PDPN: variants seen among roughly 807,000 people sequenced by gnomAD.
PDPN encodes podoplanin.
PDPN carries 12 observed loss-of-function variants against 23.2 expected under a neutral mutation model. The observed-to-expected ratio is 0.52, with a 90% CI of 0.33 to 0.84. The LOEUF is 0.84. PDPN is among the 40% of genes least tolerant of loss of function. The probability of loss-of-function intolerance (pLI) is 0.02; values close to 1 mark genes in which losing one functional copy is unlikely to be tolerated. For synonymous variants in PDPN, 77 were observed against 76.7 expected, an observed-to-expected ratio of 1.00 and a Z score of -0.02; for missense variants, 199 against 212.2, an observed-to-expected ratio of 0.94 and a Z score of 0.39.
intron 1 of PDPN, among the ~76,000 whole-genome samples, chr1:13,588,832 C>G (rs1392852963): frequency 2.6e-5 from 4 of 151,710 alleles, no homozygotes; most frequent in African/African-American, 9.7e-5. Context: ...GTGTGCACCA[C>G]CACACCCAAC....
chr1:13,585,449 C>A, intron 1 of PDPN: 1 of 1,299,570 alleles, frequency 7.7e-7, no homozygotes, highest in Non-Finnish European at 1.0e-6. Context: ...TCTGTATTTT[C>A]AGTTACATTT....
intron 2 of PDPN, among the ~76,000 whole-genome samples, chr1:13,607,724 C>T (rs1008906943): frequency 6.6e-6 from 1 of 152,188 alleles, no homozygotes; most frequent in African/African-American, 2.4e-5. Context: ...CAGGATTTTA[C>T]ATTTCCAATC....
At chr1:13,604,949 G>T (rs1201053130) in intron 1 of PDPN, among the ~76,000 whole-genome samples, 1 of 152,012 alleles carries the variant, frequency 6.6e-6, no homozygotes, top group African/African-American at 2.4e-5. Context: ...GGAAATATTC[G>T]GTTATTGCTA....
At chr1:13,608,646 C>G (rs407829) in intron 2 of PDPN, among the ~76,000 whole-genome samples, 1 of 151,910 alleles carries the variant, frequency 6.6e-6, no homozygotes, top group Non-Finnish European at 1.5e-5. Flanking sequence ...GCAGAGAAAA[C>G]GAACACTTAA....
At chr1:13,584,142 G>A (rs951119460) in intron 1 of PDPN, 42 bp downstream of exon 1, 2 of 1,602,898 alleles carry the variant, frequency 1.2e-6, no homozygotes, top group South Asian at 2.2e-5. Context: ...CGCTGATGGG[G>A]ACGAGCGAGC....
chr1:13,590,719 G>A (rs565213457), intron 1 of PDPN, among the ~76,000 whole-genome samples: 18 of 152,098 alleles, frequency 1.2e-4, no homozygotes, highest in Non-Finnish European at 2.2e-4. Context: ...AGATGAGTCC[G>A]TGCTGAGTGG....
At chr1:13,613,806 C>A in intron 4 of PDPN, 81 bp downstream of exon 4, 1 of 727,684 alleles carries the variant, frequency 1.4e-6, no homozygotes, top group Non-Finnish European at 2.5e-6. Context: ...AGACGAATTG[C>A]GTTCTTTTCT....
chr1:13,595,479 G>C (rs555353761), intron 1 of PDPN, among the ~76,000 whole-genome samples: 9 of 152,314 alleles, frequency 5.9e-5, no homozygotes, highest in Non-Finnish European at 1.3e-4. Flanking sequence ...AAACTCTGGG[G>C]CAGGGGGTAC....
At chr1:13,612,598 G>C (rs1258116163) in intron 3 of PDPN, among the ~76,000 whole-genome samples, 1 of 152,180 alleles carries the variant, frequency 6.6e-6, no homozygotes, top group Non-Finnish European at 1.5e-5. Flanking sequence ...TGGTGGGGTA[G>C]CACAGTCAGC....
At position 13,617,057 on chromosome 1, in the gene PDPN, T is replaced by A. The variant is rs889951182; in HGVS notation, c.*1146T>A. The A allele has an allele frequency of 6.6e-6, 1 of 152,038 alleles. No homozygotes were observed. The highest frequency in any genetic ancestry group is 6.5e-5 in the Admixed American group (1 of 15,274). 9.4% of individuals were successfully genotyped at this position (152,038 alleles called of 1,614,324 possible). On this transcript the variant is annotated 3_prime_UTR_variant, in exon 6 of 6. Transcript: ENST00000621990. The stretch of plus-strand genomic sequence containing the variant: ...CAGTCCTCATGACATACCGCAAATA[T>A]CTGTGGGGTCCTGTTGAAAAGAACA...
chr1:13,588,987 A>G (rs1557535438), intron 1 of PDPN, among the ~76,000 whole-genome samples: 4 of 151,846 alleles, frequency 2.6e-5, no homozygotes. Flanking sequence ...AATAGCTACT[A>G]TTCAATAAAT....
rs530040599 is a variant in PDPN at position 13,609,728 on chromosome 1, A to C, written c.202-659A>C. Reference sequence around the variant, plus strand: ...TTATTTCACTTAGCATAATGTCCTCAAGGTTCATCCATGCTATGGCATGTG... The same window carrying C: ...TTATTTCACTTAGCATAATGTCCTCCAGGTTCATCCATGCTATGGCATGTG... On this transcript the variant is annotated intron_variant, in intron 2 of 5. Transcript: ENST00000621990. Among the ~76,000 whole-genome samples the C allele has an allele frequency of 2.0e-5, 3 of 152,300 alleles. No individual in the cohort carries two copies. The South Asian group carries it at 6.2e-4, about 32-fold the overall frequency.
chr1:13,601,034 G>A (rs575781212), intron 1 of PDPN, among the ~76,000 whole-genome samples: 6 of 152,318 alleles, frequency 3.9e-5, no homozygotes, highest in African/African-American at 1.4e-4. Context: ...AGGACAATGA[G>A]GTGTCTTCCA....
intron 1 of PDPN, 28 bp downstream of exon 1, chr1:13,584,128 C>A (rs750365640): frequency 6.2e-7 from 1 of 1,609,460 alleles, no homozygotes; most frequent in South Asian, 1.1e-5. Flanking sequence ...TGGCTTCCTG[C>A]CGTCGCTGAT....
At chr1:13,604,480 C>A (rs368684539) in intron 1 of PDPN, among the ~76,000 whole-genome samples, 1 of 152,110 alleles carries the variant, frequency 6.6e-6, no homozygotes, top group Non-Finnish European at 1.5e-5. Context: ...CCATTCAGAG[C>A]GATTTTAGTA....
intron 1 of PDPN, chr1:13,595,937 A>G: frequency 1.7e-6 from 2 of 1,212,110 alleles, no homozygotes; most frequent in Non-Finnish European, 2.2e-6. Flanking sequence ...GTGGCTCACA[A>G]CTGTAATCCC....
rs1641065058 is a variant in PDPN, at chr1:13,616,037, C to T, written c.*126C>T. ...ACACTTGCCTGGCCCACTCAGAATC[C>T]ACGGTGACCTCTCCGCTTGCCAAAA... On this transcript the variant is annotated 3_prime_UTR_variant, in exon 6 of 6. Transcript: ENST00000621990. 13 of 864,678 alleles carry T rather than the reference C, an allele frequency of 1.5e-5. No individual in the cohort carries two copies. Among genetic ancestry groups the T allele is most frequent in the Non-Finnish European group, 2.3e-5 (12 of 514,410 alleles). The allele number at this position is 864,678 out of a possible 1,614,324, so 53.6% of individuals were successfully genotyped here. A position where few individuals can be genotyped will look rare whatever the true frequency, so the allele number is the denominator to read the frequency against.
At chr1:13,605,282 A>AAGCAGTGGGGAGAATAAGGTATCTTAAG (rs1640753397) in intron 1 of PDPN, among the ~76,000 whole-genome samples, 2 of 152,138 alleles carry the variant, frequency 1.3e-5, no homozygotes, top group African/African-American at 4.8e-5. Flanking sequence ...AGTGCTGCCT[A>AAGCAGTGGGGAGAATAAGGTATCTTAAG]GAGACAAACA....
chr1:13,614,478 T>A (rs1641017605), intron 5 of PDPN, 67 bp downstream of exon 5: 2 of 852,526 alleles, frequency 2.3e-6, no homozygotes. Context: ...CTCAAATCTT[T>A]GAACTAATAG....
Sources: gnomAD v4.1 joint callset for allele counts (sites outside exome capture counted in the v4.1 genomes callset) on GRCh38, gnomAD v4.1.1 for gene constraint, MANE v1.5 for transcripts, NCBI Gene and HGNC (gene_info 2026-07-23, HGNC 2026-07-21) for gene names.